Variants in MRNIP observed in about 807,000 individuals in gnomAD.
MRNIP encodes MRN complex-interacting protein.
A neutral mutation model predicts 29.8 loss-of-function variants in MRNIP; 30 were observed. The observed-to-expected ratio is 1.01, with a 90% confidence interval of 0.75 to 1.36. The LOEUF is 1.36. Ranked by LOEUF, MRNIP falls within the 40% of genes most tolerant of loss-of-function variation. The probability of loss-of-function intolerance (pLI) is 0.00; values close to 1 mark genes in which losing one functional copy is unlikely to be tolerated. For missense variants in MRNIP, 459 were observed against 423.5 expected, an observed-to-expected ratio of 1.08 and a Z score of -0.74; for synonymous variants, 201 against 164.1, an observed-to-expected ratio of 1.23 and a Z score of -1.72.
In MRNIP at chr5:179,853,370, G is replaced by C; in HGVS notation, c.126+8C>G. The C allele has an allele frequency of 6.2e-7, 1 of 1,612,572 alleles. No individual in the cohort carries two copies. Among genetic ancestry groups the C allele is most frequent in the Middle Eastern group, 1.7e-4 (1 of 6,058 alleles). On this transcript the variant is annotated splice_region_variant and intron_variant, in intron 2 of 6. Transcript: ENST00000292586. The stretch of plus-strand genomic sequence containing the variant: ...CGCCCCACTTGCTTTCTGTTTTGTA[G>C]GACTCACCTGCAAAAAGGACTGCTT...
intron 5 of MRNIP, 148 bp downstream of exon 5, chr5:179,841,759 T>C: frequency 5.0e-6 from 4 of 807,476 alleles, no homozygotes; most frequent in Non-Finnish European, 8.0e-6. Context: ...GGGCCAGCAG[T>C]GGCAGCAGCT....
At chr5:179,842,508 G>A (rs1303448362) in intron 4 of MRNIP, among the ~76,000 whole-genome samples, 6 of 146,304 alleles carry the variant, frequency 4.1e-5, no homozygotes, top group East Asian at 2.0e-4. Flanking sequence ...GTGAAACCCC[G>A]TCTCTACTAA....
chr5:179,853,124 C>T, intron 2 of MRNIP: 1 of 1,022,836 alleles, frequency 9.8e-7, no homozygotes, highest in Non-Finnish European at 1.4e-6. Flanking sequence ...TTACTTTCCA[C>T]TGTTCCCCTT....
At chr5:179,841,221 A>G in intron 5 of MRNIP, 1 of 475,658 alleles carries the variant, frequency 2.1e-6, no homozygotes, top group East Asian at 3.9e-5. Context: ...TGCCGCCTTG[A>G]CCTCCTGGGC....
intron 2 of MRNIP, among the ~76,000 whole-genome samples, chr5:179,850,007 T>C (rs1044488289): frequency 2.1e-4 from 32 of 151,290 alleles, no homozygotes; most frequent in Admixed American, 5.3e-4. Flanking sequence ...CGAGACGGAA[T>C]TTGAGGGCTC....
intron 6 of MRNIP, 179 bp from the exon 7 acceptor site, chr5:179,838,064 C>G: frequency 1.6e-6 from 1 of 616,112 alleles, no homozygotes; most frequent in Non-Finnish European, 2.8e-6. Context: ...TAAATGCCTT[C>G]CACCTCACCG....
At chr5:179,840,462 A>G (rs924209216) in intron 6 of MRNIP, 11 of 285,074 alleles carry the variant, frequency 3.9e-5, no homozygotes, top group Non-Finnish European at 7.2e-5. Context: ...CCTCACATAC[A>G]AGAGTCCACA....
chr5:179,841,761 GCAGCAGCTGCCCGATTTCCCACCTGCT>G, intron 5 of MRNIP, 119 bp downstream of exon 5: 1 of 821,168 alleles, frequency 1.2e-6, no homozygotes, highest in Non-Finnish European at 1.9e-6. Context: ...GCCAGCAGTG[GCAGCAGCTGCCCGATTTCCCACCTGCT>G]GGCACTTGCC....
rs564800471 is a variant in MRNIP, at chr5:179,843,053, G to A, written c.292-989C>T. Among the ~76,000 whole-genome samples, 196 of 111,130 alleles carry A rather than the reference G, an allele frequency of 1.8e-3. 2 individuals carry two copies. The highest frequency in any genetic ancestry group is 5.9e-3 in the East Asian group (19 of 3,214). The allele number at this position is 111,130 out of a possible 152,430, so 72.9% of individuals were successfully genotyped here. ...TCGAAAGGAGGAAAGAAGGAAGGAA[G>A]GAAGGAAGGGAGGGAGGGAGGGAGG... On this transcript the variant is annotated intron_variant, in intron 4 of 6. Transcript: ENST00000292586.
chr5:179,850,064 C>T (rs114553866), intron 2 of MRNIP, among the ~76,000 whole-genome samples: 1,558 of 141,380 alleles, frequency 0.011, 27 homozygotes, highest in African/African-American at 0.039. Flanking sequence ...GGATTTGAGA[C>T]CACGGGTCCT....
intron 1 of MRNIP, among the ~76,000 whole-genome samples, chr5:179,854,289 G>T (rs1240946286): frequency 6.6e-6 from 1 of 152,194 alleles, no homozygotes; most frequent in African/African-American, 2.4e-5. Context: ...CAAAGTGCTG[G>T]GATTACAGGC....
At chr5:179,842,894 G>A (rs372727785) in intron 4 of MRNIP, among the ~76,000 whole-genome samples, 38 of 151,752 alleles carry the variant, frequency 2.5e-4, no homozygotes, top group African/African-American at 6.8e-4. Context: ...TTAGCCGGGC[G>A]TGGTGGTGCG....
rs1343819546 is a variant in MRNIP, at chr5:179,858,747, AG to A, written c.49del (p.Leu17SerfsTer7). The A allele has an allele frequency of 2.0e-6, 3 of 1,530,466 alleles. No individual in the cohort carries two copies. In the African/African-American group the frequency reaches 4.1e-5, roughly 21 times the overall value. 94.8% of individuals were successfully genotyped at this position (1,530,466 alleles called of 1,614,324 possible). ...SRVLRCCSCR[L>X]FQAHQVKKSV... ...CCGCCAGACCTGGTGCGCCTGGAAG[AG>A]GCGGCAGCTGCAGCAGCGTAGCACC... is the stretch of plus-strand genomic sequence containing the variant. On this transcript the variant is annotated frameshift_variant, in exon 1 of 7. Coordinates refer to ENST00000292586, the MANE Select transcript of MRNIP (RefSeq NM_016175.4). LOFTEE classifies it high-confidence loss of function.
intron 3 of MRNIP, among the ~76,000 whole-genome samples, chr5:179,846,659 C>T (rs922474038): frequency 2.0e-5 from 3 of 152,084 alleles, no homozygotes; most frequent in Non-Finnish European, 2.9e-5. Context: ...CTTCCTGGGA[C>T]AATTAAAACA....
intron 4 of MRNIP, among the ~76,000 whole-genome samples, chr5:179,842,793 G>A (rs1758948593): frequency 6.6e-6 from 1 of 151,390 alleles, no homozygotes. Flanking sequence ...AGCACCGTGG[G>A]AGGCTGAGGC....
At position 179,837,289 on chromosome 5, in the gene MRNIP, G is replaced by A; in HGVS notation, c.*102C>T. 1 of 1,607,428 alleles carries A rather than the reference G, an allele frequency of 6.2e-7. No homozygotes were observed. The highest frequency in any genetic ancestry group is 1.7e-4 in the Middle Eastern group (1 of 6,042). On this transcript the variant is annotated 3_prime_UTR_variant, in exon 7 of 7. Coordinates refer to ENST00000292586, the MANE Select transcript of MRNIP (RefSeq NM_016175.4). The stretch of plus-strand genomic sequence containing the variant: ...CATAGAGAGAAATGATTGACAGTAA[G>A]TTTATTGTTAATGGTTCTTACAGAG...
chr5:179,849,773 C>T (rs1759279988), intron 2 of MRNIP, among the ~76,000 whole-genome samples: 1 of 151,190 alleles, frequency 6.6e-6, no homozygotes, highest in Non-Finnish European at 1.5e-5. Context: ...AGCATGGATC[C>T]TGCAATGACA....
At chr5:179,851,828 A>G (rs1445552744) in intron 2 of MRNIP, among the ~76,000 whole-genome samples, 2 of 151,990 alleles carry the variant, frequency 1.3e-5, no homozygotes, top group Admixed American at 6.6e-5. Context: ...AATACAAAAT[A>G]TTAGCCGGGC....
chr5:179,853,510 C>T (rs1260747265), intron 1 of MRNIP, 73 bp from the exon 2 acceptor site: 2 of 1,278,470 alleles, frequency 1.6e-6, no homozygotes, highest in Non-Finnish European at 1.1e-6. Context: ...GACTCGGTGG[C>T]TCATGCCTGT....
Sources: gnomAD v4.1 joint callset for allele counts (sites outside exome capture counted in the v4.1 genomes callset) on GRCh38, gnomAD v4.1.1 for gene constraint, MANE v1.5 for transcripts, NCBI Gene and HGNC (gene_info 2026-07-23, HGNC 2026-07-21) for gene names.